NXPE1: variants seen among roughly 807,000 people sequenced by gnomAD.
The protein encoded by NXPE1 is NXPE family member 1.
A neutral mutation model predicts 33.3 loss-of-function variants in NXPE1; 31 were observed. That is an observed-to-expected ratio of 0.93 (90% CI 0.70 to 1.26). The LOEUF (loss-of-function observed/expected upper bound fraction) is 1.26, where lower values mean the gene tolerates loss of function less well. NXPE1 is among the 50% of genes most tolerant of loss of function. NXPE1 has a pLI of 0.00. For synonymous variants in NXPE1, 229 were observed against 231.4 expected (o/e 0.99, Z 0.09); for missense variants, 661 against 655.6 (o/e 1.01, Z -0.09).
intron 1 of NXPE1, among the ~76,000 whole-genome samples, chr11:114,557,638 T>C (rs1387789463): frequency 2.2e-3 from 5 of 2,306 alleles, no homozygotes; most frequent in African/African-American, 3.3e-3. Flanking sequence ...ATAATACATA[T>C]ATATATATAT....
intron 1 of NXPE1, among the ~76,000 whole-genome samples, chr11:114,556,896 CTT>C (rs796264702): frequency 2.8e-5 from 4 of 140,640 alleles, no homozygotes; most frequent in Admixed American, 7.1e-5. Flanking sequence ...CCCTTTTTGA[CTT>C]TTTTTTTTTT....
chr11:114,554,188 T>G, intron 1 of NXPE1: 1 of 981,530 alleles, frequency 1.0e-6, no homozygotes, highest in Non-Finnish European at 1.2e-6. Context: ...TCATCAGCTG[T>G]AATAGAAACT....
At chr11:114,531,735 C>T (rs977458579) in intron 5 of NXPE1, among the ~76,000 whole-genome samples, 11 of 152,116 alleles carry the variant, frequency 7.2e-5, no homozygotes, top group Non-Finnish European at 1.6e-4. Flanking sequence ...ATACTTTCTC[C>T]TCTTCCTGGA....
chr11:114,545,258 G>A (rs887737961), intron 5 of NXPE1, among the ~76,000 whole-genome samples: 1 of 152,154 alleles, frequency 6.6e-6, no homozygotes, highest in African/African-American at 2.4e-5. Context: ...ACAAATACCT[G>A]CACATGAATG....
Position 114,522,380 on chromosome 11 carries a change from T to C in NXPE1, c.1232A>G (p.Tyr411Cys), listed in dbSNP as rs200811586. The stretch of plus-strand genomic sequence containing the variant: ...GATATAATCATGATCTATCAGAGAG[T>C]AGAGCTGGAAAGTGACGAAGGGATA... Residue 411 changes from tyrosine to cysteine, a missense_variant, in exon 9 of 9, where the codon TAC (tyrosine) becomes TGC (cysteine). Physicochemically the swap from Tyr to Cys is radical, Grantham distance 194. Coordinates refer to ENST00000534921, the Ensembl canonical transcript of NXPE1. The C allele has an allele frequency of 3.1e-6, 5 of 1,614,028 alleles. No homozygotes were observed. In the South Asian group the frequency reaches 4.4e-5, roughly 14 times the overall value.
chr11:114,541,417 C>G (rs966422834), intron 5 of NXPE1, among the ~76,000 whole-genome samples: 1 of 152,048 alleles, frequency 6.6e-6, no homozygotes, highest in Non-Finnish European at 1.5e-5. Context: ...GAAATCTCAG[C>G]AAGGATGGAG....
intron 1 of NXPE1, among the ~76,000 whole-genome samples, chr11:114,553,256 C>A (rs1008026705): frequency 3.3e-5 from 5 of 152,148 alleles, no homozygotes; most frequent in African/African-American, 1.2e-4. Context: ...TGTGTCTGTG[C>A]CTTCATTAGA....
chr11:114,529,655 T>G (rs1947502275), intron 6 of NXPE1: 1 of 158,900 alleles, frequency 6.3e-6, no homozygotes, highest in Admixed American at 5.8e-5. Flanking sequence ...GATCATGGGA[T>G]CAACTGGAGA....
At chr11:114,522,589 C>T (rs868269181) in intron 8 of NXPE1, 86 bp from the exon 9 acceptor site, 5 of 1,187,350 alleles carry the variant, frequency 4.2e-6, no homozygotes, top group Non-Finnish European at 5.8e-6. Context: ...AAAATACCCA[C>T]CCTACCTAGA....
intron 5 of NXPE1, among the ~76,000 whole-genome samples, chr11:114,550,584 A>G (rs1389276273): frequency 2.0e-5 from 3 of 152,212 alleles, no homozygotes; most frequent in Admixed American, 6.5e-5. Flanking sequence ...CAAGTGGATC[A>G]GATATTTATA....
chr11:114,549,755 C>T (rs996178553), intron 5 of NXPE1, among the ~76,000 whole-genome samples: 7 of 151,822 alleles, frequency 4.6e-5, no homozygotes, highest in South Asian at 2.1e-4. Context: ...GAAAGCAATT[C>T]GAGACACTGG....
intron 5 of NXPE1, among the ~76,000 whole-genome samples, chr11:114,535,803 A>T (rs1412984290): frequency 6.6e-6 from 1 of 152,198 alleles, no homozygotes; most frequent in Non-Finnish European, 1.5e-5. Flanking sequence ...TGACCTACAA[A>T]GAGACTTAGA....
intron 6 of NXPE1, chr11:114,529,837 C>T (rs140079801): frequency 4.6e-5 from 11 of 240,116 alleles, no homozygotes; most frequent in East Asian, 1.9e-4. Flanking sequence ...AATGGATCAA[C>T]GCAAAGATAT....
chr11:114,521,587 G>C (rs1947212278), downstream of NXPE1: 1 of 167,810 alleles, frequency 6.0e-6, no homozygotes. Flanking sequence ...AGGGTGCTCG[G>C]AGTGATTATT....
chr11:114,537,535 T>C (rs1046464271), intron 5 of NXPE1, among the ~76,000 whole-genome samples: 1 of 152,172 alleles, frequency 6.6e-6, no homozygotes, highest in African/African-American at 2.4e-5. Context: ...GAAAACCCCA[T>C]TGTCTCAGCC....
chr11:114,543,515 T>C (rs1373701426), intron 5 of NXPE1, among the ~76,000 whole-genome samples: 2 of 97,234 alleles, frequency 2.1e-5, no homozygotes, highest in East Asian at 3.3e-4. Flanking sequence ...AGTGAGACCC[T>C]GTTTAAAAAA....
rs114902136 is a variant in NXPE1 at position 114,542,010 on chromosome 11, C to T, written c.99+9093G>A. Among the ~76,000 whole-genome samples the T allele has an allele frequency of 5.5e-3, 834 of 152,240 alleles. 10 individuals are homozygous for T. Among genetic ancestry groups the T allele is most frequent in the African/African-American group, 0.018 (758 of 41,538 alleles). Reference sequence around the variant, plus strand: ...CTGAAAGAGGCATAATAAAAATTCCCACTATGGCTGTGGCTATATCAATTT... The same window carrying T: ...CTGAAAGAGGCATAATAAAAATTCCTACTATGGCTGTGGCTATATCAATTT... On this transcript the variant is annotated intron_variant, in intron 5 of 8. Coordinates refer to ENST00000534921, the Ensembl canonical transcript of NXPE1.
intron 5 of NXPE1, among the ~76,000 whole-genome samples, chr11:114,535,348 C>T (rs140580121): frequency 2.0e-5 from 3 of 152,152 alleles, no homozygotes; most frequent in Non-Finnish European, 4.4e-5. Flanking sequence ...TAAAGAATAT[C>T]AAGGCTAGGA....
chr11:114,556,749 A>G (rs931519747), intron 1 of NXPE1, among the ~76,000 whole-genome samples: 4 of 151,938 alleles, frequency 2.6e-5, no homozygotes, highest in African/African-American at 9.7e-5. Flanking sequence ...AGTCTCATCT[A>G]AGCCACTCTG....
Sources: gnomAD v4.1 joint callset for allele counts (sites outside exome capture counted in the v4.1 genomes callset) on GRCh38, gnomAD v4.1.1 for gene constraint, MANE v1.5 for transcripts, NCBI Gene and HGNC (gene_info 2026-07-23, HGNC 2026-07-21) for gene names.